Variants in PCDH15 observed in about 807,000 individuals in gnomAD.
The protein encoded by PCDH15 is protocadherin-15.
A neutral mutation model predicts 178.5 loss-of-function variants in PCDH15; 129 were observed. The observed-to-expected ratio is 0.72, with a 90% CI of 0.63 to 0.84. The LOEUF (loss-of-function observed/expected upper bound fraction) is 0.84. Among genes scored for constraint, PCDH15 ranks in the 40% least tolerant of loss-of-function variants. The probability of loss-of-function intolerance (pLI) is 0.00; values close to 1 mark genes in which losing one functional copy is unlikely to be tolerated. For missense variants in PCDH15, 2,230 were observed against 2,099.9 expected, an observed-to-expected ratio of 1.06 and a Z score of -1.21; for synonymous variants, 800 against 732.0, an observed-to-expected ratio of 1.09 and a Z score of -1.50.
At chr10:54,835,861 T>C (rs562539458) in intron 3 of PCDH15, among the ~76,000 whole-genome samples, 1 of 152,196 alleles carries the variant, frequency 6.6e-6, no homozygotes, top group Non-Finnish European at 1.5e-5. Flanking sequence ...CTGTCACTTA[T>C]AAAAGAAAGA....
intron 1 of PCDH15, among the ~76,000 whole-genome samples, chr10:55,288,413 G>T (rs936096755): frequency 6.6e-6 from 1 of 151,712 alleles, no homozygotes; most frequent in Non-Finnish European, 1.5e-5. Flanking sequence ...TGAATCAAAA[G>T]AAAATGTGTA....
At chr10:55,334,221 C>CATAT (rs34468887) in intron 2 of PCDH15, among the ~76,000 whole-genome samples, 3,082 of 62,268 alleles carry the variant, frequency 0.049, 113 homozygotes, top group Non-Finnish European at 0.063. Flanking sequence ...TAGGGTGCTC[C>CATAT]ATATATATAT....
chr10:54,916,720 T>C (rs566928700), intron 2 of PCDH15, among the ~76,000 whole-genome samples: 2 of 152,304 alleles, frequency 1.3e-5, no homozygotes, highest in Admixed American at 6.5e-5. Context: ...AAAGATGTAA[T>C]TGATTTTTAA....
At chr10:54,897,237 C>T (rs1474430334) in intron 3 of PCDH15, among the ~76,000 whole-genome samples, 4 of 152,204 alleles carry the variant, frequency 2.6e-5, no homozygotes, top group Middle Eastern at 3.4e-3. Flanking sequence ...CTTGAATAAA[C>T]CAGCAAATAG....
At chr10:55,052,387 C>A (rs1348952249) in intron 2 of PCDH15, among the ~76,000 whole-genome samples, 3 of 151,382 alleles carry the variant, frequency 2.0e-5, no homozygotes, top group African/African-American at 7.3e-5. Context: ...CGTACCCGGC[C>A]AAGAATCAGT....
At chr10:54,979,336 G>T (rs569519261) in intron 2 of PCDH15, among the ~76,000 whole-genome samples, 51 of 152,210 alleles carry the variant, frequency 3.4e-4, no homozygotes, top group South Asian at 6.2e-4. Flanking sequence ...AGCTGGACTT[G>T]TTTCTGTGGC....
chr10:53,853,977 A>G (rs971262146), intron 28 of PCDH15, among the ~76,000 whole-genome samples: 10 of 152,038 alleles, frequency 6.6e-5, no homozygotes, highest in Admixed American at 5.9e-4. Flanking sequence ...TCATAGCAGT[A>G]TTATTCACAA....
At chr10:54,344,178 CTAAGT>C (rs1198854461) in intron 6 of PCDH15, among the ~76,000 whole-genome samples, 2 of 152,126 alleles carry the variant, frequency 1.3e-5, no homozygotes, top group South Asian at 2.1e-4. Context: ...TCAATACATC[CTAAGT>C]TAAGTGTCAT....
intron 3 of PCDH15, among the ~76,000 whole-genome samples, chr10:54,493,979 C>T (rs868406003): frequency 3.3e-5 from 5 of 150,962 alleles, no homozygotes; most frequent in African/African-American, 9.8e-5. Flanking sequence ...AGTAAACTAT[C>T]GCAAGGACAA....
At chr10:55,162,849 A>T (rs55948942) in intron 2 of PCDH15, among the ~76,000 whole-genome samples, 36,275 of 152,034 alleles carry the variant, frequency 0.24, 4,407 homozygotes, top group Middle Eastern at 0.3. Context: ...CCCTCTGCTT[A>T]GTATTACACA....
chr10:55,450,118 A>T (rs1839401259), intron 2 of PCDH15, among the ~76,000 whole-genome samples: 1 of 152,194 alleles, frequency 6.6e-6, no homozygotes, highest in South Asian at 2.1e-4. Flanking sequence ...ATATCAAGCT[A>T]CATGCATAAT....
At chr10:55,453,580 C>G (rs552055610) in intron 2 of PCDH15, among the ~76,000 whole-genome samples, 1 of 152,116 alleles carries the variant, frequency 6.6e-6, no homozygotes, top group Admixed American at 6.5e-5. Flanking sequence ...AAAAGTTTGC[C>G]ACCAGTTTGG....
intron 3 of PCDH15, among the ~76,000 whole-genome samples, chr10:54,889,195 C>A (rs1406200813): frequency 1.3e-5 from 2 of 151,696 alleles, no homozygotes; most frequent in Non-Finnish European, 2.9e-5. Context: ...GAATAATGAA[C>A]CTTGATGTGA....
At chr10:55,356,319 AAGG>A (rs998497393) in intron 2 of PCDH15, among the ~76,000 whole-genome samples, 4 of 151,830 alleles carry the variant, frequency 2.6e-5, no homozygotes, top group Non-Finnish European at 1.5e-5. Context: ...CAAAGAAAAA[AAGG>A]AGAAGAGGAA....
chr10:55,312,863 C>T (rs1358593961), intron 1 of PCDH15, among the ~76,000 whole-genome samples: 5 of 152,040 alleles, frequency 3.3e-5, no homozygotes, highest in African/African-American at 7.2e-5. Flanking sequence ...GTGATCCACC[C>T]GCCTCGGCCT....
chr10:55,288,949 C>A (rs576231822), intron 1 of PCDH15, among the ~76,000 whole-genome samples: 5 of 151,482 alleles, frequency 3.3e-5, no homozygotes, highest in African/African-American at 1.2e-4. Flanking sequence ...GAAAAACCAC[C>A]AAATTGTTTC....
At chr10:54,781,960 C>T (rs1170456222) in intron 1 of PCDH15, among the ~76,000 whole-genome samples, 1 of 152,082 alleles carries the variant, frequency 6.6e-6, no homozygotes, top group East Asian at 1.9e-4. Flanking sequence ...AGATTTGTCA[C>T]AGTGCAAGAA....
At chr10:55,576,379 G>C (rs1348114116) in intron 2 of PCDH15, among the ~76,000 whole-genome samples, 1 of 152,128 alleles carries the variant, frequency 6.6e-6, no homozygotes, top group Admixed American at 6.6e-5. Context: ...GAAAGAGGAA[G>C]GGCTGGTCTT....
At chr10:55,328,949 T>TATAA (rs1381032726) in intron 2 of PCDH15, among the ~76,000 whole-genome samples, 7 of 123,290 alleles carry the variant, frequency 5.7e-5, no homozygotes, top group East Asian at 4.8e-4. Flanking sequence ...TATATATATA[T>TATAA]AAAATATATA....
Sources: allele counts gnomAD v4.1 joint callset (sites outside exome capture counted in the v4.1 genomes callset), GRCh38; gene constraint gnomAD v4.1.1; transcripts MANE v1.5; gene names NCBI Gene and HGNC (gene_info 2026-07-23, HGNC 2026-07-21).